Variants in DYM observed in about 807,000 individuals in gnomAD.
The protein encoded by DYM is dyggve-Melchior-Clausen syndrome protein.
Under a neutral mutation model 93.1 loss-of-function variants are expected in DYM, and 78 were observed. That is an observed-to-expected ratio of 0.84 (90% CI 0.70 to 1.01). The LOEUF (loss-of-function observed/expected upper bound fraction) is 1.01, where lower values mean the gene tolerates loss of function less well. DYM is among the 50% of genes least tolerant of loss of function. The pLI, the probability that DYM is intolerant of heterozygous loss-of-function variation, is 0.00. For missense variants in DYM, 789 were observed against 845.0 expected, an observed-to-expected ratio of 0.93 and a Z score of 0.82; for synonymous variants, 321 against 319.7, an observed-to-expected ratio of 1.00 and a Z score of -0.04.
At chr18:49,220,483 C>T (rs1600767725) in intron 13 of DYM, among the ~76,000 whole-genome samples, 1 of 150,940 alleles carries the variant, frequency 6.6e-6, no homozygotes, top group African/African-American at 2.4e-5. Flanking sequence ...CTGGAGGCAT[C>T]ACGCTACCTG....
At chr18:49,442,650 A>AAT (rs1259254680) in intron 1 of DYM, among the ~76,000 whole-genome samples, 1 of 150,798 alleles carries the variant, frequency 6.6e-6, no homozygotes, top group Non-Finnish European at 1.5e-5. Context: ...TTAGATAGAT[A>AAT]ATAATGAAAA....
intron 8 of DYM, among the ~76,000 whole-genome samples, chr18:49,287,740 G>T (rs572635896): frequency 6.6e-6 from 1 of 151,468 alleles, no homozygotes; most frequent in Admixed American, 6.6e-5. Context: ...AGCTACTCGG[G>T]AGGCTGAGGC....
intron 2 of DYM, among the ~76,000 whole-genome samples, chr18:49,417,601 AAGAT>A (rs1010760109): frequency 1.5e-4 from 23 of 152,356 alleles, no homozygotes; most frequent in African/African-American, 5.3e-4. Flanking sequence ...AAGGCTCTTC[AAGAT>A]ATAACTGATG....
intron 14 of DYM, among the ~76,000 whole-genome samples, chr18:49,184,287 G>A (rs1393493076): frequency 6.6e-6 from 1 of 151,704 alleles, no homozygotes; most frequent in Non-Finnish European, 1.5e-5. Context: ...TCTCCAGAGG[G>A]CTATGCTTGA....
At chr18:49,085,500 A>G (rs2078430891) in intron 17 of DYM, among the ~76,000 whole-genome samples, 1 of 151,984 alleles carries the variant, frequency 6.6e-6, no homozygotes, top group Non-Finnish European at 1.5e-5. Context: ...AGTAACTGAC[A>G]TTATATTAGT....
intron 8 of DYM, among the ~76,000 whole-genome samples, chr18:49,323,680 C>A (rs1194115493): frequency 1.3e-5 from 2 of 152,216 alleles, no homozygotes; most frequent in Non-Finnish European, 2.9e-5. Context: ...GCACCTGGAT[C>A]TCTGACTTCC....
intron 15 of DYM, among the ~76,000 whole-genome samples, chr18:49,147,005 C>T (rs577975406): frequency 2.6e-5 from 4 of 152,222 alleles, no homozygotes; most frequent in Admixed American, 2.0e-4. Context: ...GAGACATAGA[C>T]CAATGGAACA....
intron 10 of DYM, among the ~76,000 whole-genome samples, chr18:49,281,120 AC>A (rs1418948618): frequency 2.6e-5 from 4 of 152,098 alleles, no homozygotes; most frequent in Non-Finnish European, 5.9e-5. Context: ...AAAACAAACA[AC>A]CCCATCAAAA....
At chr18:49,049,218 T>C (rs995988602) in intron 17 of DYM, among the ~76,000 whole-genome samples, 1 of 152,226 alleles carries the variant, frequency 6.6e-6, no homozygotes, top group Non-Finnish European at 1.5e-5. Context: ...GGCAGGCATA[T>C]TCAAAGAATT....
chr18:49,335,760 T>G (rs1301517781), intron 6 of DYM, among the ~76,000 whole-genome samples: 1 of 152,002 alleles, frequency 6.6e-6, no homozygotes, highest in African/African-American at 2.4e-5. Flanking sequence ...TAGAGCCTAT[T>G]TAGATAGGCA....
intron 3 of DYM, among the ~76,000 whole-genome samples, chr18:49,387,565 C>T (rs1375455590): frequency 6.6e-6 from 1 of 152,148 alleles, no homozygotes; most frequent in East Asian, 1.9e-4. Flanking sequence ...GCCACTGTGC[C>T]TGGTCGAATC....
chr18:49,237,225 C>G (rs2093895473), intron 13 of DYM, among the ~76,000 whole-genome samples: 1 of 152,066 alleles, frequency 6.6e-6, no homozygotes, highest in South Asian at 2.1e-4. Flanking sequence ...CATACACTGT[C>G]TCTGATGCAT....
chr18:49,421,730 C>G (rs2073735335), intron 2 of DYM, among the ~76,000 whole-genome samples: 1 of 152,152 alleles, frequency 6.6e-6, no homozygotes, highest in African/African-American at 2.4e-5. Flanking sequence ...ATGTTCGAAA[C>G]CATCGCGAAG....
At chr18:49,276,912 T>C (rs2094857679) in intron 10 of DYM, among the ~76,000 whole-genome samples, 1 of 152,118 alleles carries the variant, frequency 6.6e-6, no homozygotes, top group African/African-American at 2.4e-5. Flanking sequence ...TGAAGGCAGC[T>C]TAGACCAAAG....
intron 14 of DYM, among the ~76,000 whole-genome samples, chr18:49,182,860 G>A (rs938205204): frequency 6.6e-6 from 1 of 152,128 alleles, no homozygotes; most frequent in Non-Finnish European, 1.5e-5. Flanking sequence ...TGTCTCCAAA[G>A]TCCCTGTTCT....
intron 2 of DYM, among the ~76,000 whole-genome samples, chr18:49,411,257 T>TA (rs1339042996): frequency 6.6e-5 from 10 of 152,222 alleles, no homozygotes; most frequent in Non-Finnish European, 1.5e-4. Context: ...TTGGAATTTC[T>TA]ATATATTCCT....
At chr18:49,256,567 C>T (rs867837978) in intron 13 of DYM, among the ~76,000 whole-genome samples, 6 of 152,154 alleles carry the variant, frequency 3.9e-5, no homozygotes, top group Admixed American at 6.5e-5. Flanking sequence ...GACCAGTTTG[C>T]GCTTTCAGCC....
intron 10 of DYM, among the ~76,000 whole-genome samples, chr18:49,280,782 G>T (rs902332148): frequency 6.6e-6 from 1 of 152,156 alleles, no homozygotes; most frequent in East Asian, 1.9e-4. Context: ...CTTGGGAAAA[G>T]AAGTTTTTCT....
intron 3 of DYM, among the ~76,000 whole-genome samples, chr18:49,391,160 G>C (rs761262003): frequency 3.9e-5 from 6 of 152,166 alleles, no homozygotes; most frequent in South Asian, 4.1e-4. Context: ...CTAATAGGTA[G>C]CACAGCTGAA....
Sources: gnomAD v4.1 joint callset for allele counts (sites outside exome capture counted in the v4.1 genomes callset) on GRCh38, gnomAD v4.1.1 for gene constraint, MANE v1.5 for transcripts, NCBI Gene and HGNC (gene_info 2026-07-23, HGNC 2026-07-21) for gene names.